HM13: variants seen among roughly 807,000 people sequenced by gnomAD.
HM13 encodes histocompatibility minor 13.
A neutral mutation model predicts 50.0 loss-of-function variants in HM13; 18 were observed. The ratio of observed to expected loss-of-function variants is 0.36; its 90% CI spans 0.25 to 0.53. The LOEUF (loss-of-function observed/expected upper bound fraction) is 0.53, where lower values mean the gene tolerates loss of function less well. Among genes scored for constraint, HM13 ranks in the 20% least tolerant of loss-of-function variants. The probability of loss-of-function intolerance (pLI) is 0.90; values close to 1 mark genes in which losing one functional copy is unlikely to be tolerated. For missense variants in HM13, 393 were observed against 552.4 expected (o/e 0.71, Z 2.89); for synonymous variants, 197 against 232.6 (o/e 0.85, Z 1.39).
At chr20:31,567,473 C>T (rs116321545) in intron 11 of HM13, among the ~76,000 whole-genome samples, 1 of 152,154 alleles carries the variant, frequency 6.6e-6, no homozygotes, top group Non-Finnish European at 1.5e-5. Flanking sequence ...CACTCCCACC[C>T]TGGACATTCT....
In HM13 at chr20:31,518,286, C is replaced by T. The variant is rs371842999; in HGVS notation, c.183+3552C>T. On this transcript the variant is annotated intron_variant, in intron 1 of 12. Coordinates refer to ENST00000398174, the MANE Select transcript of HM13 (RefSeq NM_178581.3). Reference sequence around the variant, plus strand: ...CCGACCTCAGGTGATCCACCCTCCTCGGCCTCCCAAAGTGCTGGGACTACA... The same window carrying T: ...CCGACCTCAGGTGATCCACCCTCCTTGGCCTCCCAAAGTGCTGGGACTACA... 4.0e-5 allele frequency among the ~76,000 whole-genome samples: 6 copies of T among 151,122 alleles called. No individual in the cohort carries two copies. The East Asian group carries it at 7.9e-4, about 20-fold the overall frequency.
At chr20:31,564,091 AAG>A (rs1984762721) in intron 10 of HM13, 2 of 151,952 alleles carry the variant, frequency 1.3e-5, no homozygotes, top group South Asian at 4.2e-4. Context: ...AAAAAAAAAA[AAG>A]AATGAAGTTT....
At chr20:31,520,000 C>T (rs955434070) in intron 1 of HM13, among the ~76,000 whole-genome samples, 9 of 151,864 alleles carry the variant, frequency 5.9e-5, no homozygotes, top group African/African-American at 2.2e-4. Flanking sequence ...GGATTACAGG[C>T]GCGCACCCAC....
At chr20:31,534,130 G>C (rs1444678874) in intron 2 of HM13, among the ~76,000 whole-genome samples, 1 of 151,912 alleles carries the variant, frequency 6.6e-6, no homozygotes, top group Non-Finnish European at 1.5e-5. Context: ...CTCCCGCCTT[G>C]GCCTCCTAAA....
Position 31,568,235 on chromosome 20 carries a change from G to T in HM13, c.1181+11G>T. 1 of 1,611,182 alleles carries T rather than the reference G, an allele frequency of 6.2e-7. No homozygotes were observed. Among genetic ancestry groups the T allele is most frequent in the Non-Finnish European group, 8.5e-7 (1 of 1,179,142 alleles). On this transcript the variant is annotated intron_variant, in intron 12 of 12. Coordinates refer to ENST00000398174, the MANE Select transcript of HM13 (RefSeq NM_178581.3). ...GAATCCCAGCGCCATGTAATGCCCA[G>T]CGGGTGCCCACCTGCCCGCTTCCCC...
chr20:31,526,304 G>A (rs1833240746), intron 1 of HM13, among the ~76,000 whole-genome samples: 1 of 151,902 alleles, frequency 6.6e-6, no homozygotes, highest in African/African-American at 2.4e-5. Context: ...GATTATAGGT[G>A]CCCGCCACTG....
rs1984635870 is a variant in HM13 at position 31,561,854 on chromosome 20, G to A, written c.948+118G>A. 1.9e-5 allele frequency: 14 copies of A among 731,398 alleles called. 1 individual carries two copies. In the South Asian group the frequency reaches 2.1e-4, roughly 11 times the overall value. The allele number at this position is 731,398 out of a possible 1,614,324, so 45.3% of individuals were successfully genotyped here. ...ATAGGCACTCCCCACTGGTGTTGGA[G>A]CAGTCATGTCTGTGATTCTCTTGGC... On this transcript the variant is annotated intron_variant, in intron 10 of 12. Coordinates refer to ENST00000398174, the MANE Select transcript of HM13 (RefSeq NM_178581.3).
At chr20:31,568,976 G>T (rs113027646) in intron 12 of HM13, 144 bp from the exon 13 acceptor site, 5 of 603,950 alleles carry the variant, frequency 8.3e-6, no homozygotes, top group African/African-American at 3.7e-5. Flanking sequence ...GCGCTGTTAG[G>T]TGCTGGGCAG....
At chr20:31,545,480 A>G (rs1983662499) in intron 4 of HM13, among the ~76,000 whole-genome samples, 2 of 152,174 alleles carry the variant, frequency 1.3e-5, no homozygotes, top group Admixed American at 1.3e-4. Context: ...AAAAATAAAA[A>G]CTGGCCAGAA....
chr20:31,535,013 G>A (rs1473750216), intron 2 of HM13, among the ~76,000 whole-genome samples: 3 of 151,842 alleles, frequency 2.0e-5, no homozygotes. Flanking sequence ...GTGAACCCGG[G>A]AGGCACAGTT....
intron 1 of HM13, among the ~76,000 whole-genome samples, chr20:31,517,400 A>T (rs1256392353): frequency 6.6e-6 from 1 of 152,182 alleles, no homozygotes; most frequent in African/African-American, 2.4e-5. Flanking sequence ...CAGTAGCTGC[A>T]CATTAAACAT....
intron 3 of HM13, 83 bp downstream of exon 3, chr20:31,538,344 C>T (rs1983239065): frequency 6.2e-7 from 1 of 1,610,770 alleles, no homozygotes. Context: ...TGACTTTTGG[C>T]ATCATTCAGA....
chr20:31,519,124 C>T (rs529945702), intron 1 of HM13, among the ~76,000 whole-genome samples: 1 of 152,244 alleles, frequency 6.6e-6, no homozygotes, highest in Non-Finnish European at 1.5e-5. Context: ...TTTAATGAGA[C>T]CGAGTCTCAC....
Position 31,556,194 on chromosome 20 carries a change from A to AAAT in HM13, c.808+1365_808+1366insAAT, listed in dbSNP as rs1244448628. Among the ~76,000 whole-genome samples the AAAT allele has an allele frequency of 8.6e-4, 130 of 151,646 alleles. 2 individuals carry two copies. The highest frequency in any genetic ancestry group is 3.0e-3 in the African/African-American group (126 of 41,344). On this transcript the variant is annotated intron_variant, in intron 8 of 12. Transcript: ENST00000398174. ...GCTGGGATTATAGGCATGCACCACC[A>AAAT]CGCCCGGCTGATTTTGTATATTTAG...
chr20:31,531,219 AT>A (rs1177171130), intron 2 of HM13, among the ~76,000 whole-genome samples: 5 of 151,770 alleles, frequency 3.3e-5, no homozygotes, highest in Non-Finnish European at 7.4e-5. Context: ...TAATTTTTGT[AT>A]TTTTAGTAGA....
At chr20:31,524,862 C>T (rs976630937) in intron 1 of HM13, among the ~76,000 whole-genome samples, 1 of 151,708 alleles carries the variant, frequency 6.6e-6, no homozygotes. Context: ...TACAGGCGCC[C>T]GCCACCACAT....
chr20:31,538,328 A>G (rs759957424), intron 3 of HM13, 67 bp downstream of exon 3: 5 of 1,613,188 alleles, frequency 3.1e-6, no homozygotes, highest in Non-Finnish European at 4.2e-6. Flanking sequence ...GTCTTGGATG[A>G]GAACATGACT....
At chr20:31,562,995 AG>A (rs1984702330) in intron 10 of HM13, among the ~76,000 whole-genome samples, 1 of 152,164 alleles carries the variant, frequency 6.6e-6, no homozygotes, top group African/African-American at 2.4e-5. Context: ...CAATTCCCCC[AG>A]TGGCCATAAG....
chr20:31,549,859 T>G (rs1600654248), intron 6 of HM13, among the ~76,000 whole-genome samples: 1 of 151,988 alleles, frequency 6.6e-6, no homozygotes, highest in Non-Finnish European at 1.5e-5. Context: ...CCATCAGAGG[T>G]CTTTTCTATA....
Sources: gnomAD v4.1 joint callset for allele counts (sites outside exome capture counted in the v4.1 genomes callset) on GRCh38, gnomAD v4.1.1 for gene constraint, MANE v1.5 for transcripts, NCBI Gene and HGNC (gene_info 2026-07-23, HGNC 2026-07-21) for gene names.